HSD17B3: variants seen among roughly 807,000 people sequenced by gnomAD.
HSD17B3 encodes the protein hydroxysteroid 17-beta dehydrogenase 3, also known as 17-beta-hydroxysteroid dehydrogenase type 3.
HSD17B3 carries 29 observed loss-of-function variants against 41.1 expected under a neutral mutation model. The ratio of observed to expected loss-of-function variants is 0.71; its 90% CI spans 0.53 to 0.96. The LOEUF is 0.96. Among genes scored for constraint, HSD17B3 ranks in the 40% least tolerant of loss-of-function variants. HSD17B3 has a pLI of 0.00. For missense variants in HSD17B3, 323 were observed against 374.6 expected, an observed-to-expected ratio of 0.86 and a Z score of 1.14; for synonymous variants, 126 against 145.6, an observed-to-expected ratio of 0.87 and a Z score of 0.97.
At chr9:96,267,513 G>A (rs1014077380) in intron 2 of HSD17B3, among the ~76,000 whole-genome samples, 3 of 151,826 alleles carry the variant, frequency 2.0e-5, no homozygotes, top group Non-Finnish European at 4.4e-5. Flanking sequence ...AAGCTACTAC[G>A]TCTATGAAAA....
At chr9:96,251,083 C>T (rs1001613127) in intron 5 of HSD17B3, 1 of 296,822 alleles carries the variant, frequency 3.4e-6, no homozygotes, top group Non-Finnish European at 6.4e-6. Context: ...AGCTGGTCTT[C>T]TCCCATATAT....
At chr9:96,241,954 GAACAGA>G (rs1339731159) in intron 9 of HSD17B3, among the ~76,000 whole-genome samples, 1,564 of 14,998 alleles carry the variant, frequency 0.1, 53 homozygotes, top group African/African-American at 0.25. Flanking sequence ...AAAAAGAAAA[GAACAGA>G]AAAAGAAAGA....
chr9:96,254,337 G>C (rs903823445), intron 3 of HSD17B3, among the ~76,000 whole-genome samples: 19 of 152,282 alleles, frequency 1.2e-4, no homozygotes, highest in African/African-American at 4.3e-4. Context: ...CCCAAACACC[G>C]ATCTTGCTTT....
At chr9:96,254,767 G>C in intron 3 of HSD17B3, 101 bp downstream of exon 3, 1 of 999,814 alleles carries the variant, frequency 1.0e-6, no homozygotes, top group Non-Finnish European at 1.6e-6. Context: ...CCCAGGCTCT[G>C]AGAGCAGATG....
At chr9:96,249,382 C>T (rs749117461) in intron 6 of HSD17B3, among the ~76,000 whole-genome samples, 4 of 152,188 alleles carry the variant, frequency 2.6e-5, no homozygotes, top group Non-Finnish European at 4.4e-5. Flanking sequence ...CCACGCCCTC[C>T]GTCAGTTTTC....
At chr9:96,269,721 T>C (rs1032315405) in intron 2 of HSD17B3, among the ~76,000 whole-genome samples, 2 of 151,708 alleles carry the variant, frequency 1.3e-5, no homozygotes, top group Non-Finnish European at 2.9e-5. Context: ...CTGGCCAACA[T>C]AGTGAAACCC....
At chr9:96,275,314 T>C (rs1452665337) in intron 2 of HSD17B3, among the ~76,000 whole-genome samples, 1 of 152,078 alleles carries the variant, frequency 6.6e-6, no homozygotes, top group African/African-American at 2.4e-5. Context: ...GGGAAAATAT[T>C]TGGATAAATA....
rs377018679 is a variant in HSD17B3 at position 96,302,095 on chromosome 9, C to T, written c.10G>A (p.Val4Ile). The T allele has an allele frequency of 2.5e-5, 40 of 1,613,990 alleles. No individual in the cohort carries two copies. Among genetic ancestry groups the T allele is most frequent in the Non-Finnish European group, 3.4e-5 (40 of 1,180,018 alleles). The change falls in exon 1 of 11, where the codon GTC (valine) becomes ATC (isoleucine). Residue 4 changes from valine to isoleucine, a missense_variant. Coordinates refer to ENST00000375263, the MANE Select transcript of HSD17B3 (RefSeq NM_000197.2). ...GTGAGGATGAAGAACTGTTCCAGGA[C>T]GTCCCCCATGGCTGCACTCAACAGA... Reference protein sequence around the residue: MGDVLEQFFILTGL... With the variant: MGDILEQFFILTGL...
chr9:96,295,703 C>G (rs189770957), intron 2 of HSD17B3, among the ~76,000 whole-genome samples: 87 of 152,306 alleles, frequency 5.7e-4, no homozygotes, highest in African/African-American at 2.0e-3. Context: ...GCAAGTGCGT[C>G]CCAGATGCCT....
intron 3 of HSD17B3, 69 bp from the exon 4 acceptor site, chr9:96,252,979 C>G: frequency 1.1e-6 from 1 of 917,904 alleles, no homozygotes. Flanking sequence ...GAAGTTTCCC[C>G]CAGTGCTCCT....
chr9:96,246,011 A>G (rs1017870980), intron 7 of HSD17B3, among the ~76,000 whole-genome samples: 1 of 152,204 alleles, frequency 6.6e-6, no homozygotes. Context: ...AGAAACTGCA[A>G]ATTAGAATCC....
intron 4 of HSD17B3, among the ~76,000 whole-genome samples, chr9:96,252,362 G>T (rs1011108671): frequency 6.6e-6 from 1 of 152,022 alleles, no homozygotes; most frequent in African/African-American, 2.4e-5. Context: ...GGCCAATATG[G>T]TGAAACCCCA....
In HSD17B3 at chr9:96,235,524, G is replaced by T. The variant is rs770659849; in HGVS notation, c.869C>A (p.Ala290Asp). Residue 290 changes from alanine (A) to aspartate (D), a missense_variant, in exon 11 of 11, where the codon GCC becomes GAC. Transcript: ENST00000375263. ...GTGTGTCAGGAGCAGCCTTTGGAAG[G>T]CACCGCTGTAGAAGGCCCAGGCCGG... ...LIPAWAFYSGAFQRLLLTHYV... is the reference protein window; with the variant it reads ...LIPAWAFYSGDFQRLLLTHYV... 1 of 1,614,122 alleles carries T rather than the reference G, an allele frequency of 6.2e-7. No homozygotes were observed. Among genetic ancestry groups the T allele is most frequent in the Non-Finnish European group, 8.5e-7 (1 of 1,180,006 alleles).
intron 2 of HSD17B3, among the ~76,000 whole-genome samples, chr9:96,272,067 G>C (rs1040302430): frequency 2.0e-5 from 3 of 151,642 alleles, no homozygotes; most frequent in Non-Finnish European, 2.9e-5. Flanking sequence ...TCCTCTCTTT[G>C]AGTTAAAAAT....
intron 2 of HSD17B3, among the ~76,000 whole-genome samples, chr9:96,255,152 G>C (rs561925996): frequency 6.6e-6 from 1 of 152,250 alleles, no homozygotes; most frequent in African/African-American, 2.4e-5. Flanking sequence ...GGGCCATCAT[G>C]ATAGGAGTTA....
At chr9:96,272,431 AT>A (rs1564048503) in intron 2 of HSD17B3, among the ~76,000 whole-genome samples, 6 of 79,340 alleles carry the variant, frequency 7.6e-5, no homozygotes, top group Non-Finnish European at 1.5e-4. Flanking sequence ...ATATATATAT[AT>A]ATATATATAT....
At chr9:96,300,320 G>A (rs1827547788) in intron 1 of HSD17B3, among the ~76,000 whole-genome samples, 1 of 100,672 alleles carries the variant, frequency 9.9e-6, no homozygotes, top group Admixed American at 1.4e-4. Flanking sequence ...TTCTCACACG[G>A]TAATTTTTTT....
intron 2 of HSD17B3, among the ~76,000 whole-genome samples, chr9:96,270,962 G>T (rs372794511): frequency 6.5e-4 from 94 of 144,664 alleles, no homozygotes; most frequent in South Asian, 4.1e-3. Flanking sequence ...TCGGGGGGGG[G>T]GGTTAAGATT....
chr9:96,249,471 T>C (rs1394758952), intron 6 of HSD17B3: 3 of 449,120 alleles, frequency 6.7e-6, no homozygotes, highest in Non-Finnish European at 1.2e-5. Context: ...CTTGGAATCC[T>C]GAATACGTTT....
Sources: allele counts gnomAD v4.1 joint callset (sites outside exome capture counted in the v4.1 genomes callset), GRCh38; gene constraint gnomAD v4.1.1; transcripts MANE v1.5; gene names NCBI Gene and HGNC (gene_info 2026-07-23, HGNC 2026-07-21).